The following PELI2 variants were observed in gnomAD, a reference collection of about 807,000 sequenced individuals.
The protein encoded by PELI2 is pellino E3 ubiquitin protein ligase family member 2.
PELI2 carries 23 observed loss-of-function variants against 42.3 expected under a neutral mutation model. The observed-to-expected ratio is 0.54, with a 90% CI of 0.39 to 0.77. The LOEUF (loss-of-function observed/expected upper bound fraction) is 0.77, where lower values mean the gene tolerates loss of function less well. PELI2 is among the 30% of genes least tolerant of loss of function. PELI2 has a pLI of 0.00. For synonymous variants in PELI2, 245 were observed against 212.2 expected (o/e 1.15, Z -1.34); for missense variants, 463 against 553.2 (o/e 0.84, Z 1.64).
intron 2 of PELI2, among the ~76,000 whole-genome samples, chr14:56,246,176 A>G (rs1888147497): frequency 6.6e-6 from 1 of 152,126 alleles, no homozygotes; most frequent in Non-Finnish European, 1.5e-5. Flanking sequence ...ACTTTCTCTC[A>G]TGGGGCAAAC....
rs998662758 is a variant in PELI2 at position 56,205,076 on chromosome 14, G to A, written c.207+26612G>A. On this transcript the variant is annotated intron_variant, in intron 2 of 5. Coordinates refer to ENST00000267460, the MANE Select transcript of PELI2 (RefSeq NM_021255.3). ...AGAAAGTGCTTTAAAACCAGGTAGT[G>A]GGTAGCAGACTCAGGCTGCGAGAGG... 1.2e-4 allele frequency among the ~76,000 whole-genome samples: 19 copies of A among 152,074 alleles called. No homozygotes were observed. In the East Asian group the frequency reaches 3.7e-3, roughly 29 times the overall value.
At chr14:56,191,594 C>A (rs1005548768) in intron 2 of PELI2, among the ~76,000 whole-genome samples, 3 of 152,140 alleles carry the variant, frequency 2.0e-5, no homozygotes, top group Non-Finnish European at 4.4e-5. Context: ...AGGGTATTTG[C>A]CCAAAGGGTG....
intron 2 of PELI2, among the ~76,000 whole-genome samples, chr14:56,259,846 G>A (rs1888653421): frequency 6.6e-6 from 1 of 152,060 alleles, no homozygotes; most frequent in Non-Finnish European, 1.5e-5. Flanking sequence ...AAGTAATAGA[G>A]AATGGAAAAT....
chr14:56,243,695 A>G (rs1461440154), intron 2 of PELI2, among the ~76,000 whole-genome samples: 1 of 152,252 alleles, frequency 6.6e-6, no homozygotes, highest in African/African-American at 2.4e-5. Flanking sequence ...AGAATGGATC[A>G]GTACCTCAGA....
chr14:56,228,634 G>T (rs1887446291), intron 2 of PELI2, among the ~76,000 whole-genome samples: 1 of 152,174 alleles, frequency 6.6e-6, no homozygotes, highest in South Asian at 2.1e-4. Context: ...GGCTAGGTGG[G>T]TTCCAAGATG....
chr14:56,241,841 C>G (rs920544125), intron 2 of PELI2, among the ~76,000 whole-genome samples: 1 of 152,108 alleles, frequency 6.6e-6, no homozygotes, highest in African/African-American at 2.4e-5. Context: ...GCCCAACAGT[C>G]AAGTACAACG....
intron 2 of PELI2, among the ~76,000 whole-genome samples, chr14:56,242,299 A>G (rs1032781690): frequency 6.6e-6 from 1 of 152,242 alleles, no homozygotes; most frequent in African/African-American, 2.4e-5. Flanking sequence ...CTCTGCTGTG[A>G]GCATTATATA....
intron 2 of PELI2, among the ~76,000 whole-genome samples, chr14:56,213,471 C>A (rs1171926537): frequency 2.6e-5 from 4 of 152,104 alleles, no homozygotes; most frequent in Non-Finnish European, 5.9e-5. Context: ...CAGCTTAGGG[C>A]AGTTCCTGGA....
Position 56,118,709 on chromosome 14 carries a change from G to A in PELI2, c.49G>A (p.Val17Met). 1 of 1,531,602 alleles carries A rather than the reference G, an allele frequency of 6.5e-7. No individual in the cohort carries two copies. The highest frequency in any genetic ancestry group is 8.8e-7 in the Non-Finnish European group (1 of 1,139,188). The allele number at this position is 1,531,602 out of a possible 1,614,324, so 94.9% of individuals were successfully genotyped here. Residue 17 changes from valine to methionine, a missense_variant, in exon 1 of 6, where the codon GTG (valine) becomes ATG (methionine). Around this residue, in one of 3 missense-constraint regions of PELI2, gnomAD observed 343 missense variants for 378.4 expected, o/e 0.91. Transcript: ENST00000267460. ...EEHCAPNKEP[V>M]KYGELVVLGY... ...ACACTGCGCCCCCAATAAGGAGCCA[G>A]TGAAATACGGGGAGCTGGTGGTGCT...
At position 56,300,836 on chromosome 14, in the gene PELI2, A is replaced by G. The variant is rs1890151629; in HGVS notation, c.*3670A>G. 6.6e-6 allele frequency: 1 copy of G among 152,198 alleles called. No homozygotes were observed. Among genetic ancestry groups the G allele is most frequent in the Non-Finnish European group, 1.5e-5 (1 of 68,046 alleles). 9.4% of individuals were successfully genotyped at this position (152,198 alleles called of 1,614,324 possible). ...GTTATGATGCGCCTCCTTCTGTGCGACCAATGAGACGACTTCAGCATCTTT... is the reference window on the plus strand; with the variant it reads ...GTTATGATGCGCCTCCTTCTGTGCGGCCAATGAGACGACTTCAGCATCTTT... On this transcript the variant is annotated 3_prime_UTR_variant, in exon 6 of 6. Transcript: ENST00000267460.
At chr14:56,230,432 T>G (rs558280157) in intron 2 of PELI2, among the ~76,000 whole-genome samples, 1 of 151,862 alleles carries the variant, frequency 6.6e-6, no homozygotes, top group Admixed American at 6.6e-5. Context: ...CAGAAGAGAG[T>G]GGGGGCCAGT....
intron 2 of PELI2, among the ~76,000 whole-genome samples, chr14:56,246,826 T>C (rs549631943): frequency 1.3e-5 from 2 of 152,342 alleles, no homozygotes; most frequent in Non-Finnish European, 2.9e-5. Flanking sequence ...CATTGACTTA[T>C]ATTGTGCAAT....
intron 2 of PELI2, among the ~76,000 whole-genome samples, chr14:56,200,306 T>C (rs1179016804): frequency 1.3e-5 from 2 of 152,274 alleles, no homozygotes; most frequent in African/African-American, 4.8e-5. Context: ...GCACTTTGCA[T>C]ATTTTTTTTT....
chr14:56,204,208 G>T (rs79494021), intron 2 of PELI2, among the ~76,000 whole-genome samples: 1 of 152,114 alleles, frequency 6.6e-6, no homozygotes, highest in Admixed American at 6.6e-5. Context: ...CTCAAAGTTG[G>T]TGAATACTTG....
At chr14:56,194,392 G>A (rs1886058397) in intron 2 of PELI2, among the ~76,000 whole-genome samples, 1 of 152,150 alleles carries the variant, frequency 6.6e-6, no homozygotes, top group South Asian at 2.1e-4. Context: ...TCACGCTTAA[G>A]GTTTTCTTTC....
At chr14:56,134,825 A>G (rs1182366478) in intron 1 of PELI2, among the ~76,000 whole-genome samples, 1 of 151,010 alleles carries the variant, frequency 6.6e-6, no homozygotes, top group Non-Finnish European at 1.5e-5. Context: ...AGGAAAATAT[A>G]AACCATCTTT....
intron 2 of PELI2, among the ~76,000 whole-genome samples, chr14:56,240,464 A>G (rs1171020128): frequency 1.3e-5 from 2 of 152,230 alleles, no homozygotes; most frequent in East Asian, 3.9e-4. Flanking sequence ...TAGTGATGTT[A>G]GCAAGAATAG....
chr14:56,186,586 C>T (rs1326791294), intron 2 of PELI2, among the ~76,000 whole-genome samples: 4 of 152,026 alleles, frequency 2.6e-5, no homozygotes, highest in Admixed American at 6.6e-5. Flanking sequence ...CTCTTAATCT[C>T]GTGGTGGGGG....
intron 1 of PELI2, among the ~76,000 whole-genome samples, chr14:56,145,223 C>T (rs192834867): frequency 1.3e-5 from 2 of 151,958 alleles, no homozygotes; most frequent in African/African-American, 2.4e-5. Context: ...GGGAAGGTGC[C>T]GTATACTTTT....
Sources: allele counts gnomAD v4.1 joint callset (sites outside exome capture counted in the v4.1 genomes callset), GRCh38; gene constraint gnomAD v4.1.1; regional missense constraint gnomAD v4.1.1; transcripts MANE v1.5; gene names NCBI Gene and HGNC (gene_info 2026-07-23, HGNC 2026-07-21).